The following TIAM2 variants were observed in gnomAD, a reference collection of about 807,000 sequenced individuals.
TIAM2 encodes TIAM Rac1 associated GEF 2.
In TIAM2, 80 loss-of-function variants were observed where a neutral mutation model predicts 152.9. The ratio of observed to expected loss-of-function variants is 0.52; its 90% confidence interval spans 0.44 to 0.63. The LOEUF is 0.63. Ranked by LOEUF, TIAM2 falls within the 30% of genes least tolerant of loss-of-function variation. The probability of loss-of-function intolerance (pLI) is 0.00; values close to 1 mark genes in which losing one functional copy is unlikely to be tolerated. For synonymous variants in TIAM2, 804 were observed against 838.0 expected (o/e 0.96, Z 0.70); for missense variants, 1,965 against 2,120.1 (o/e 0.93, Z 1.44).
intron 1 of TIAM2, among the ~76,000 whole-genome samples, chr6:155,047,011 G>A (rs1428907819): frequency 7.2e-5 from 11 of 152,332 alleles, no homozygotes; most frequent in Non-Finnish European, 1.0e-4. Context: ...GAGGGAAAGA[G>A]TTGAGGATTC....
chr6:155,047,720 A>C (rs1158932904), intron 1 of TIAM2, among the ~76,000 whole-genome samples: 38,307 of 128,450 alleles, frequency 0.3, 7,434 homozygotes, highest in Middle Eastern at 0.39. Flanking sequence ...AGAGAGAGAG[A>C]GAGAGCGAGA....
In TIAM2 at chr6:155,240,801, A is replaced by AC; in HGVS notation, c.3348+93dup. ...GGTCCCCAGATCACCTCTGCCCAGG[A>AC]CACCTGCCACTCCCCAGGGGGGGAC... is the stretch of plus-strand genomic sequence containing the variant. On this transcript the variant is annotated intron_variant, in intron 16 of 26. Transcript: ENST00000682666. 5 of 1,305,768 alleles carry AC rather than the reference A, an allele frequency of 3.8e-6. No homozygotes were observed. The East Asian group carries it at 7.5e-5, about 20-fold the overall frequency. The allele number at this position is 1,305,768 out of a possible 1,614,324, so 80.9% of individuals were successfully genotyped here.
intron 2 of TIAM2, among the ~76,000 whole-genome samples, chr6:155,116,082 G>A (rs1414365129): frequency 6.6e-6 from 1 of 152,178 alleles, no homozygotes; most frequent in African/African-American, 2.4e-5. Context: ...CAGCCTGGGT[G>A]ACAGAGAGAG....
intron 14 of TIAM2, among the ~76,000 whole-genome samples, chr6:155,188,114 A>G (rs1161826616): frequency 2.0e-5 from 3 of 152,212 alleles, no homozygotes; most frequent in Admixed American, 2.0e-4. Flanking sequence ...TTCCCGGCAC[A>G]TGATCTCTGT....
rs573282326 is a variant in TIAM2, at chr6:155,212,633, C to T, written c.3168+1326C>T. Among the ~76,000 whole-genome samples, 337 of 152,330 alleles carry T rather than the reference C, an allele frequency of 2.2e-3. 1 individual carries two copies. Among genetic ancestry groups the T allele is most frequent in the African/African-American group, 7.7e-3 (322 of 41,564 alleles). On this transcript the variant is annotated intron_variant, in intron 15 of 26. Coordinates refer to ENST00000682666, the MANE Select transcript of TIAM2 (RefSeq NM_012454.4). ...ATTCTTGGGGTATCACTTCACCAGC[C>T]GGAAACCTCTGTGGCCAAGGGTGCT... is the stretch of plus-strand genomic sequence containing the variant.
intron 2 of TIAM2, among the ~76,000 whole-genome samples, chr6:155,094,643 G>T (rs188747096): frequency 4.1e-4 from 60 of 145,238 alleles, no homozygotes; most frequent in African/African-American, 1.4e-3. Context: ...TCAAACTCCT[G>T]GACCCAAGCA....
At chr6:155,122,637 A>C (rs1779194747) in intron 2 of TIAM2, among the ~76,000 whole-genome samples, 1 of 152,192 alleles carries the variant, frequency 6.6e-6, no homozygotes, top group Admixed American at 6.5e-5. Context: ...TGTACACAGC[A>C]TAAAATGTTT....
intron 4 of TIAM2, among the ~76,000 whole-genome samples, chr6:155,131,035 A>G (rs989462084): frequency 1.3e-5 from 2 of 152,124 alleles, no homozygotes; most frequent in African/African-American, 2.4e-5. Context: ...ATGTCCCTGC[A>G]CTCTTCCATG....
chr6:155,091,054 G>C, intron 2 of TIAM2, among the ~76,000 whole-genome samples: 1 of 152,162 alleles, frequency 6.6e-6, no homozygotes, highest in East Asian at 1.9e-4. Flanking sequence ...AGCACGCTCA[G>C]ATGAACATAA....
intron 14 of TIAM2, among the ~76,000 whole-genome samples, chr6:155,204,947 G>T (rs970880058): frequency 1.3e-5 from 2 of 152,000 alleles, no homozygotes; most frequent in Admixed American, 6.6e-5. Flanking sequence ...CACCTTGAAC[G>T]CTGCGTCCTC....
In TIAM2 at chr6:155,213,179, G is replaced by A. The variant is rs558963755; in HGVS notation, c.3168+1872G>A. ...CTCTTTCAGCCCTGCCGTTAGGCAG[G>A]TCCCGAATTCTTGTCCCATGACCAG... On this transcript the variant is annotated intron_variant, in intron 15 of 26. Coordinates refer to ENST00000682666, the MANE Select transcript of TIAM2 (RefSeq NM_012454.4). The surrounding 1 kb of genome is among the most constrained non-coding windows in gnomAD (Gnocchi z 4.2). 1.4e-4 allele frequency among the ~76,000 whole-genome samples: 21 copies of A among 152,334 alleles called. No individual in the cohort carries two copies. The East Asian group carries it at 4.1e-3, about 30-fold the overall frequency.
intron 1 of TIAM2, among the ~76,000 whole-genome samples, chr6:155,076,501 T>A (rs996631043): frequency 6.6e-6 from 1 of 152,148 alleles, no homozygotes; most frequent in Non-Finnish European, 1.5e-5. Flanking sequence ...TAGGGGGAAG[T>A]ACAAAGAATT....
intron 9 of TIAM2, among the ~76,000 whole-genome samples, chr6:155,171,222 A>G (rs1290259238): frequency 6.6e-6 from 1 of 152,234 alleles, no homozygotes; most frequent in Non-Finnish European, 1.5e-5. Context: ...CTAATTCAAA[A>G]TCTGTTAAGT....
At chr6:155,236,649 C>A (rs1402190786) in intron 15 of TIAM2, among the ~76,000 whole-genome samples, 1 of 152,034 alleles carries the variant, frequency 6.6e-6, no homozygotes, top group Non-Finnish European at 1.5e-5. Context: ...GGTGACAGAG[C>A]AAGACTCTGT....
At chr6:155,099,405 C>T (rs547920695) in intron 2 of TIAM2, among the ~76,000 whole-genome samples, 114 of 151,902 alleles carry the variant, frequency 7.5e-4, no homozygotes, top group Non-Finnish European at 1.4e-3. Flanking sequence ...GCTAGTATTG[C>T]GTTTTGAATT....
At chr6:155,164,958 C>T (rs967560861) in intron 8 of TIAM2, among the ~76,000 whole-genome samples, 2 of 152,126 alleles carry the variant, frequency 1.3e-5, no homozygotes, top group African/African-American at 4.8e-5. Context: ...CTGCAGAGCG[C>T]CCCATCAGGT....
At chr6:155,247,646 T>C (rs999026249) in intron 19 of TIAM2, among the ~76,000 whole-genome samples, 1 of 152,238 alleles carries the variant, frequency 6.6e-6, no homozygotes, top group Non-Finnish European at 1.5e-5. Flanking sequence ...TGGCTTTTAA[T>C]GAATTGTTTG....
chr6:155,106,490 A>G (rs6942152), intron 2 of TIAM2, among the ~76,000 whole-genome samples: 41,345 of 152,132 alleles, frequency 0.27, 6,003 homozygotes, highest in South Asian at 0.43. Context: ...AGCCAACTTA[A>G]AAATGAAAGA....
chr6:155,088,361 G>A (rs542986430), intron 1 of TIAM2, among the ~76,000 whole-genome samples: 71 of 152,216 alleles, frequency 4.7e-4, no homozygotes, highest in South Asian at 4.1e-3. Flanking sequence ...GATTACAGGC[G>A]TGAGCCACTG....
Sources: allele counts gnomAD v4.1 joint callset (sites outside exome capture counted in the v4.1 genomes callset), GRCh38; gene constraint gnomAD v4.1.1; non-coding constraint Gnocchi (gnomAD v3.1); transcripts MANE v1.5; gene names NCBI Gene and HGNC (gene_info 2026-07-23, HGNC 2026-07-21).